Variants in SLC14A2 observed in about 807,000 individuals in gnomAD.
The protein encoded by SLC14A2 is solute carrier family 14 member 2.
A neutral mutation model predicts 104.6 loss-of-function variants in SLC14A2; 91 were observed. That is an observed-to-expected ratio of 0.87 (90% CI 0.73 to 1.04). SLC14A2 has a LOEUF of 1.04. Ranked by LOEUF, SLC14A2 falls within the 50% of genes least tolerant of loss-of-function variation. SLC14A2 has a pLI of 0.00. For missense variants in SLC14A2, 1,189 were observed against 1,156.0 expected (o/e 1.03, Z -0.41); for synonymous variants, 476 against 466.4 (o/e 1.02, Z -0.27).
chr18:45,514,164 C>T (rs2852307), intron 2 of SLC14A2, among the ~76,000 whole-genome samples: 148,482 of 152,308 alleles, frequency 0.97, 72,503 homozygotes, highest in Middle Eastern at 1. Context: ...GGGTAATTTA[C>T]AAGGAAAAGA....
At chr18:45,257,636 A>G (rs2084493337) in intron 1 of SLC14A2, among the ~76,000 whole-genome samples, 1 of 152,176 alleles carries the variant, frequency 6.6e-6, no homozygotes, top group Non-Finnish European at 1.5e-5. Context: ...AGCTCTTGGC[A>G]ATCTTAAAAT....
intron 1 of SLC14A2, among the ~76,000 whole-genome samples, chr18:45,616,136 C>G (rs2045067936): frequency 6.6e-6 from 1 of 152,212 alleles, no homozygotes; most frequent in South Asian, 2.1e-4. Context: ...TGGGTAGAAC[C>G]GAGGGAGATT....
At chr18:45,333,811 T>G (rs1456687231) in intron 1 of SLC14A2, among the ~76,000 whole-genome samples, 1 of 152,218 alleles carries the variant, frequency 6.6e-6, no homozygotes, top group Non-Finnish European at 1.5e-5. Context: ...TAATAAGTGT[T>G]TATTGAGTGC....
intron 1 of SLC14A2, among the ~76,000 whole-genome samples, chr18:45,252,070 C>A (rs1430811500): frequency 1.3e-5 from 2 of 152,138 alleles, no homozygotes; most frequent in Non-Finnish European, 2.9e-5. Flanking sequence ...GCTATTTCTG[C>A]AATAGAAAGC....
chr18:45,219,469 G>A (rs565517656), intron 1 of SLC14A2, among the ~76,000 whole-genome samples: 14 of 151,996 alleles, frequency 9.2e-5, no homozygotes, highest in East Asian at 7.7e-4. Context: ...CCATGGGGTC[G>A]GTCCTCAGGT....
intron 1 of SLC14A2, among the ~76,000 whole-genome samples, chr18:45,274,570 G>C (rs889890883): frequency 1.3e-5 from 2 of 152,174 alleles, no homozygotes; most frequent in African/African-American, 4.8e-5. Context: ...TGTTCTTTGA[G>C]TTACTCACAG....
chr18:45,639,989 T>C (rs866977041), intron 7 of SLC14A2, 96 bp downstream of exon 7: 2 of 1,215,212 alleles, frequency 1.6e-6, no homozygotes, highest in Non-Finnish European at 2.3e-6. Context: ...TTCTCTTCCC[T>C]GCAGTTTTAA....
Position 45,682,766 on chromosome 18 carries a change from C to A in SLC14A2, c.*247C>A. On this transcript the variant is annotated 3_prime_UTR_variant, in exon 20 of 20. Transcript: ENST00000255226. ...CCATAAGAGCTCCCTTTGTGGGGAACTTGCCCTCTTCTGCGAAATAAGCCT... is the reference window on the plus strand; with the variant it reads ...CCATAAGAGCTCCCTTTGTGGGGAAATTGCCCTCTTCTGCGAAATAAGCCT... The A allele has an allele frequency of 2.2e-6, 1 of 451,562 alleles. No individual in the cohort carries two copies. The highest frequency in any genetic ancestry group is 4.2e-5 in the East Asian group (1 of 23,664). 28.0% of individuals were successfully genotyped at this position (451,562 alleles called of 1,614,324 possible).
At chr18:45,482,528 C>T (rs1171592701) in intron 1 of SLC14A2, 1 of 152,190 alleles carries the variant, frequency 6.6e-6, no homozygotes, top group Non-Finnish European at 1.5e-5. Flanking sequence ...GATTCACTCT[C>T]AAGTTCACTC....
rs2045395540 is a variant in SLC14A2 at position 45,634,939 on chromosome 18, C to T, written c.651-2051C>T. ...GACAGTGTTTAGATTAGAGTGATAT[C>T]CATGAACATGGTAAGAAGTGAGTGG... On this transcript the variant is annotated intron_variant, in intron 5 of 19. Coordinates refer to ENST00000255226, the MANE Select transcript of SLC14A2 (RefSeq NM_007163.4). 3.5e-5 allele frequency: 16 copies of T among 453,214 alleles called. No homozygotes were observed. In the Middle Eastern group the frequency reaches 9.8e-4, roughly 28 times the overall value. The allele number at this position is 453,214 out of a possible 1,614,324, so 28.1% of individuals were successfully genotyped here.
intron 1 of SLC14A2, among the ~76,000 whole-genome samples, chr18:45,325,601 T>C (rs921186980): frequency 6.6e-6 from 1 of 152,182 alleles, no homozygotes; most frequent in African/African-American, 2.4e-5. Flanking sequence ...TAGTAATTGC[T>C]TACATTTGTG....
intron 1 of SLC14A2, among the ~76,000 whole-genome samples, chr18:45,457,802 C>G (rs749614297): frequency 2.6e-5 from 4 of 152,042 alleles, no homozygotes; most frequent in Non-Finnish European, 5.9e-5. Context: ...TTGGGCAGGT[C>G]ACTACCTAAT....
chr18:45,629,745 G>A (rs146098992), intron 4 of SLC14A2, among the ~76,000 whole-genome samples: 1 of 152,238 alleles, frequency 6.6e-6, no homozygotes, highest in East Asian at 1.9e-4. Context: ...GTTTTACAAG[G>A]GGGGATGCAC....
intron 1 of SLC14A2, among the ~76,000 whole-genome samples, chr18:45,378,427 A>C (rs2255757): frequency 0.45 from 68,930 of 152,010 alleles, 17,316 homozygotes; most frequent in African/African-American, 0.68. Context: ...CCCTATCTCT[A>C]TTGAAAACTG....
At chr18:45,290,007 C>T (rs185883172) in intron 1 of SLC14A2, among the ~76,000 whole-genome samples, 1 of 152,168 alleles carries the variant, frequency 6.6e-6, no homozygotes, top group Admixed American at 6.5e-5. Flanking sequence ...CTTTGACAGA[C>T]CTTCAATTGC....
intron 1 of SLC14A2, among the ~76,000 whole-genome samples, chr18:45,411,958 C>T (rs1490298860): frequency 6.6e-6 from 1 of 152,194 alleles, no homozygotes; most frequent in Non-Finnish European, 1.5e-5. Context: ...TCCATGAACA[C>T]ATGCACTCCC....
chr18:45,199,528 A>G, the SLC14A2 span, among the ~76,000 whole-genome samples: 1 of 151,992 alleles, frequency 6.6e-6, no homozygotes, highest in Admixed American at 6.6e-5. Flanking sequence ...TGAGTTTCTC[A>G]CTTCCATCTA....
At chr18:45,287,648 T>C (rs117624605) in intron 1 of SLC14A2, among the ~76,000 whole-genome samples, 221 of 152,326 alleles carry the variant, frequency 1.5e-3, no homozygotes, top group Non-Finnish European at 2.6e-3. Context: ...TGATCACTCC[T>C]CATTCTGCCC....
At chr18:45,649,565 CCT>C (rs750417988) in intron 10 of SLC14A2, among the ~76,000 whole-genome samples, 17 of 152,316 alleles carry the variant, frequency 1.1e-4, no homozygotes, top group African/African-American at 3.1e-4. Flanking sequence ...TTCTTCTTCC[CCT>C]GTCTTGCTAT....
Sources: gnomAD v4.1 joint callset for allele counts (sites outside exome capture counted in the v4.1 genomes callset) on GRCh38, gnomAD v4.1.1 for gene constraint, MANE v1.5 for transcripts, NCBI Gene and HGNC (gene_info 2026-07-23, HGNC 2026-07-21) for gene names.